Variants in ATOSA observed in about 807,000 individuals in gnomAD.
ATOSA encodes atos homolog A, also known as atos homolog protein A.
the ATOSA span, chr15:52,585,002 G>T: frequency 1.4e-6 from 2 of 1,395,690 alleles, no homozygotes; most frequent in Non-Finnish European, 1.9e-6. Context: ...ATGTGATTCA[G>T]AATGATTGTG....
the ATOSA span, among the ~76,000 whole-genome samples, chr15:52,680,700 G>T: frequency 6.6e-6 from 1 of 152,088 alleles, no homozygotes; most frequent in Non-Finnish European, 1.5e-5. Flanking sequence ...CATTCAGGAG[G>T]GTAACATTTC....
At chr15:52,650,246 A>G in the ATOSA span, among the ~76,000 whole-genome samples, 1 of 152,206 alleles carries the variant, frequency 6.6e-6, no homozygotes, top group East Asian at 1.9e-4. Context: ...TACCCCTTCT[A>G]CACACAGCTG....
the ATOSA span, among the ~76,000 whole-genome samples, chr15:52,617,926 C>A: frequency 3.3e-5 from 5 of 151,972 alleles, no homozygotes; most frequent in African/African-American, 1.2e-4. Flanking sequence ...TGCATTATCA[C>A]CTTGGAATCA....
the ATOSA span, among the ~76,000 whole-genome samples, chr15:52,699,935 G>C: frequency 6.6e-6 from 1 of 152,176 alleles, no homozygotes; most frequent in African/African-American, 2.4e-5. Flanking sequence ...CAAACCTGAA[G>C]ATTAATCACT....
At chr15:52,611,544 G>C in the ATOSA span, 7 of 1,601,876 alleles carry the variant, frequency 4.4e-6, no homozygotes, top group Non-Finnish European at 6.0e-6. Context: ...GATTTACCAA[G>C]AACAACTTTG....
chr15:52,678,378 A>C, the ATOSA span: 1 of 349,498 alleles, frequency 2.9e-6, no homozygotes, highest in Non-Finnish European at 5.3e-6. Flanking sequence ...TCTATTTATA[A>C]CCTGGAGGTA....
At chr15:52,702,746 CCT>C in the ATOSA span, among the ~76,000 whole-genome samples, 2 of 147,486 alleles carry the variant, frequency 1.4e-5, no homozygotes, top group Non-Finnish European at 3.0e-5. Context: ...ACATGTATCC[CCT>C]GAGTCTAAAA....
the ATOSA span, among the ~76,000 whole-genome samples, chr15:52,663,755 G>A: frequency 1.4e-4 from 21 of 152,086 alleles, no homozygotes; most frequent in Non-Finnish European, 2.6e-4. Flanking sequence ...CAAGAGCTGG[G>A]ACTATAGGCA....
At chr15:52,674,165 T>A in the ATOSA span, among the ~76,000 whole-genome samples, 2 of 151,794 alleles carry the variant, frequency 1.3e-5, no homozygotes, top group African/African-American at 2.4e-5. Context: ...TAGAAATACA[T>A]TTAGAACATA....
At chr15:52,654,813 G>T in the ATOSA span, among the ~76,000 whole-genome samples, 2 of 152,006 alleles carry the variant, frequency 1.3e-5, no homozygotes, top group Admixed American at 6.6e-5. Context: ...TACTTTAAGA[G>T]ATAACATGCT....
chr15:52,704,607 T>G, the ATOSA span, among the ~76,000 whole-genome samples: 1 of 152,066 alleles, frequency 6.6e-6, no homozygotes, highest in African/African-American at 2.4e-5. Flanking sequence ...AATCTATCCA[T>G]CTGACAAAGG....
At chr15:52,586,914 G>T in the ATOSA span, 1 of 626,670 alleles carries the variant, frequency 1.6e-6, no homozygotes. Context: ...TTGAAGTTAT[G>T]CAAACTGTCA....
the ATOSA span, chr15:52,600,034 C>A: frequency 2.0e-6 from 1 of 510,286 alleles, no homozygotes; most frequent in East Asian, 3.3e-5. Context: ...TATTTCTTTC[C>A]TTTTCACAAC....
chr15:52,685,386 C>G, the ATOSA span, among the ~76,000 whole-genome samples: 4 of 151,820 alleles, frequency 2.6e-5, no homozygotes, highest in African/African-American at 9.7e-5. Context: ...TGGTGAACAA[C>G]CCTTCTGAAA....
the ATOSA span, among the ~76,000 whole-genome samples, chr15:52,665,243 AC>A: frequency 1.3e-5 from 2 of 152,170 alleles, no homozygotes; most frequent in South Asian, 2.1e-4. Context: ...CTGCATGTGT[AC>A]CCCCTGAATC....
chr15:52,644,923 T>A, the ATOSA span, among the ~76,000 whole-genome samples: 1 of 152,366 alleles, frequency 6.6e-6, no homozygotes, highest in East Asian at 1.9e-4. Context: ...TGAATGCTTA[T>A]GTGAGCAGCT....
the ATOSA span, among the ~76,000 whole-genome samples, chr15:52,659,977 C>A: frequency 6.6e-6 from 1 of 152,114 alleles, no homozygotes; most frequent in Non-Finnish European, 1.5e-5. Context: ...CAGGATCATC[C>A]TATGTAGCAT....
At chr15:52,646,450 G>C in the ATOSA span, among the ~76,000 whole-genome samples, 1 of 152,162 alleles carries the variant, frequency 6.6e-6, no homozygotes, top group Non-Finnish European at 1.5e-5. Context: ...CAGAGATGTG[G>C]CCTGTAGGTT....
At chr15:52,634,844 C>T in the ATOSA span, among the ~76,000 whole-genome samples, 16 of 152,132 alleles carry the variant, frequency 1.1e-4, no homozygotes, top group South Asian at 4.1e-4. Context: ...TCAGGTGATC[C>T]GCTCATCTTG....
Sources: gnomAD v4.1 joint callset for allele counts (sites outside exome capture counted in the v4.1 genomes callset) on GRCh38, gnomAD v4.1.1 for gene constraint, MANE v1.5 for transcripts, NCBI Gene and HGNC (gene_info 2026-07-23, HGNC 2026-07-21) for gene names.